The following HOXC11 variants were observed in gnomAD, a reference collection of about 807,000 sequenced individuals.
HOXC11 encodes the protein homeobox C11.
Under a neutral mutation model 23.6 loss-of-function variants are expected in HOXC11, and 17 were observed. That is an observed-to-expected ratio of 0.72 (90% CI 0.49 to 1.08). The LOEUF (loss-of-function observed/expected upper bound fraction) is 1.08, where lower values mean the gene tolerates loss of function less well. Ranked by LOEUF, HOXC11 falls within the 50% of genes least tolerant of loss-of-function variation. The pLI is 0.00. For synonymous variants in HOXC11, 196 were observed against 183.8 expected (o/e 1.07, Z -0.54); for missense variants, 413 against 412.1 (o/e 1.00, Z -0.02).
rs1316045318 is a variant in HOXC11, at chr12:53,973,551, T to G, written c.310T>G (p.Cys104Gly). 2 of 1,611,134 alleles carry G rather than the reference T, an allele frequency of 1.2e-6. No individual in the cohort carries two copies. The highest frequency in any genetic ancestry group is 1.7e-6 in the Non-Finnish European group (2 of 1,179,320). Reference sequence around the variant, plus strand: ...GGCCGACGAGCTTATGCACCGGGAGTGCCTGCCTCCTTCCACCGTCACCGA... The same window carrying G: ...GGCCGACGAGCTTATGCACCGGGAGGGCCTGCCTCCTTCCACCGTCACCGA... ...AAADELMHRE[C>G]LPPSTVTEIL... The change falls in exon 1 of 2, where the codon TGC becomes GGC. Residue 104 changes from cysteine (C) to glycine (G), a missense_variant. Cys to Gly is a radical substitution (Grantham distance 159). Coordinates refer to ENST00000546378, the MANE Select transcript of HOXC11 (RefSeq NM_014212.4). This position sits in a 1 kb window ranked among gnomAD's most constrained non-coding sequence, Gnocchi z 4.3.
Position 53,975,424 on chromosome 12 carries a change from G to C in HOXC11, c.*11G>C, listed in dbSNP as rs751005739. On this transcript the variant is annotated 3_prime_UTR_variant, in exon 2 of 2. Coordinates refer to ENST00000546378, the MANE Select transcript of HOXC11 (RefSeq NM_014212.4). ...AATCCTCTGCTGTAACCTGCAGACC[G>C]GGCCCTTTTGGGGGCGGGGGGAGGG... 2.2e-6 allele frequency: 3 copies of C among 1,380,932 alleles called. No individual in the cohort carries two copies. Among genetic ancestry groups the C allele is most frequent in the South Asian group, 1.2e-5 (1 of 85,236 alleles). 85.5% of individuals were successfully genotyped at this position (1,380,932 alleles called of 1,614,324 possible).
In HOXC11 at chr12:53,973,706, C is replaced by T; in HGVS notation, c.465C>T (p.Phe155=). The change falls in exon 1 of 2, where the codon TTC becomes TTT. Residue 155 remains phenylalanine (F), a synonymous_variant. Transcript: ENST00000546378. This position sits in a 1 kb window ranked among gnomAD's most constrained non-coding sequence, Gnocchi z 4.3. ...SVLPQAFDRF[F]DNAYCGGGDP... is the part of the protein sequence containing the mutation. ...TGCCTCAAGCCTTCGACCGTTTCTT[C>T]GACAACGCCTACTGCGGTGGCGGCG... The T allele has an allele frequency of 6.2e-7, 1 of 1,613,616 alleles. No homozygotes were observed. The highest frequency in any genetic ancestry group is 8.5e-7 in the Non-Finnish European group (1 of 1,180,038).
rs372600053 is a variant in HOXC11, at chr12:53,975,518, G to A, written c.*105G>A. Reference sequence around the variant, plus strand: ...TCTTCTTTCCGCCGGTGGAAAACTGGACTGTGGCCAGGGCTGGCCCCCACC... The same window carrying A: ...TCTTCTTTCCGCCGGTGGAAAACTGAACTGTGGCCAGGGCTGGCCCCCACC... On this transcript the variant is annotated 3_prime_UTR_variant, in exon 2 of 2. Transcript: ENST00000546378. 69 of 878,238 alleles carry A rather than the reference G, an allele frequency of 7.9e-5. No individual in the cohort carries two copies. Among genetic ancestry groups the A allele is most frequent in the Admixed American group, 3.2e-4 (16 of 49,642 alleles). 54.4% of individuals were successfully genotyped at this position (878,238 alleles called of 1,614,324 possible).
Position 53,973,967 on chromosome 12 carries a change from AGCGAGAGAGGGAGG to A in HOXC11, c.682+53_682+66del. 7.0e-7 allele frequency: 1 copy of A among 1,418,736 alleles called. No homozygotes were observed. Among genetic ancestry groups the A allele is most frequent in the Non-Finnish European group, 9.2e-7 (1 of 1,081,640 alleles). 87.9% of individuals were successfully genotyped at this position (1,418,736 alleles called of 1,614,324 possible). On this transcript the variant is annotated intron_variant, in intron 1 of 1. Transcript: ENST00000546378. The surrounding 1 kb of genome is among the most constrained non-coding windows in gnomAD (Gnocchi z 4.3). ...GGAACGGGCGGGCAGCGAGGGAGGGAGCGAGAGAGGGAGGGCGAGAGAAGGGGGGAGGCAAGGGG... is the reference window on the plus strand; with the variant it reads ...GGAACGGGCGGGCAGCGAGGGAGGGAGCGAGAGAAGGGGGGAGGCAAGGGG...
At position 53,973,393 on chromosome 12, in the gene HOXC11, T is replaced by A. The variant is rs1418437697; in HGVS notation, c.152T>A (p.Leu51Gln). 2 of 1,614,104 alleles carry A rather than the reference T, an allele frequency of 1.2e-6. No individual in the cohort carries two copies. Among genetic ancestry groups the A allele is most frequent in the African/African-American group, 2.7e-5 (2 of 74,930 alleles). ...MPEFSTVSSF[L>Q]PQAPSRQISY... is the part of the protein sequence containing the mutation. Reference sequence around the variant, plus strand: ...GAGTTCTCCACGGTCTCCTCCTTCCTGCCCCAGGCCCCCTCTCGTCAGATC... The same window carrying A: ...GAGTTCTCCACGGTCTCCTCCTTCCAGCCCCAGGCCCCCTCTCGTCAGATC... Residue 51 changes from leucine to glutamine, a missense_variant, in exon 1 of 2, where the codon CTG (leucine) becomes CAG (glutamine). Leu to Gln is a moderately radical substitution (Grantham distance 113, BLOSUM62 -2). Coordinates refer to ENST00000546378, the MANE Select transcript of HOXC11 (RefSeq NM_014212.4). This position sits in a 1 kb window ranked among gnomAD's most constrained non-coding sequence, Gnocchi z 4.3.
Position 53,975,868 on chromosome 12 carries a change from T to G in HOXC11, c.*455T>G. 7.8e-6 allele frequency: 1 copy of G among 128,990 alleles called. No individual in the cohort carries two copies. 8.0% of individuals were successfully genotyped at this position (128,990 alleles called of 1,614,324 possible). ...CGGAAACTTCTCGAGCTCCCCCCTC[T>G]ACCCCGCCCCACCTTGCAGCTAAAT... On this transcript the variant is annotated 3_prime_UTR_variant, in exon 2 of 2. Coordinates refer to ENST00000546378, the MANE Select transcript of HOXC11 (RefSeq NM_014212.4).
At position 53,973,756 on chromosome 12, in the gene HOXC11, C is replaced by T. The variant is rs1939193712; in HGVS notation, c.515C>T (p.Ser172Phe). 3 of 1,612,420 alleles carry T rather than the reference C, an allele frequency of 1.9e-6. No individual in the cohort carries two copies. In the East Asian group the frequency reaches 6.7e-5, roughly 36 times the overall value. The change falls in exon 1 of 2, where the codon TCC becomes TTC. Residue 172 changes from serine (S) to phenylalanine (F), a missense_variant. Ser to Phe is a radical substitution (Grantham distance 155). Coordinates refer to ENST00000546378, the MANE Select transcript of HOXC11 (RefSeq NM_014212.4). The surrounding 1 kb of genome is among the most constrained non-coding windows in gnomAD (Gnocchi z 4.3). The stretch of plus-strand genomic sequence containing the variant: ...GACCCGCCCGCCGAGCCCCCCTGCT[C>T]CGGCAAGGGCGAGGCCAAGGGGGAG... ...GGDPPAEPPC[S>F]GKGEAKGEPE... is the part of the protein sequence containing the mutation.
rs370804226 is a variant in HOXC11, at chr12:53,973,782, C to T, written c.541C>T (p.Pro181Ser). The T allele has an allele frequency of 7.5e-6, 12 of 1,603,744 alleles. No individual in the cohort carries two copies. Among genetic ancestry groups the T allele is most frequent in the Non-Finnish European group, 1.0e-5 (12 of 1,175,728 alleles). ...CGGCAAGGGCGAGGCCAAGGGGGAG[C>T]CCGAGGCACCCCCGGCCTCGGGACT... is the stretch of plus-strand genomic sequence containing the variant. The part of the protein sequence containing the change: ...CSGKGEAKGE[P>S]EAPPASGLAS... Residue 181 changes from proline to serine, a missense_variant, in exon 1 of 2, where the codon CCC becomes TCC. Pro to Ser is a moderately conservative substitution (Grantham distance 74, BLOSUM62 -1). Coordinates refer to ENST00000546378, the MANE Select transcript of HOXC11 (RefSeq NM_014212.4). The surrounding 1 kb of genome is among the most constrained non-coding windows in gnomAD (Gnocchi z 4.3).
At chr12:53,974,841 G>T (rs755786865) in intron 1 of HOXC11, 6 of 244,240 alleles carry the variant, frequency 2.5e-5, no homozygotes, top group Non-Finnish European at 4.7e-5. Flanking sequence ...GGCGGCCCAG[G>T]AAGGGCCCGA....
At chr12:53,974,609 C>T (rs1939218854) in intron 1 of HOXC11, among the ~76,000 whole-genome samples, 1 of 151,938 alleles carries the variant, frequency 6.6e-6, no homozygotes, top group South Asian at 2.1e-4. Context: ...CCCGGGTCCG[C>T]GGCCTTAGTG....
rs1434986211 is a variant in HOXC11, at chr12:53,977,403, T to C, written c.*1990T>C. On this transcript the variant is annotated 3_prime_UTR_variant, in exon 2 of 2. Coordinates refer to ENST00000546378, the MANE Select transcript of HOXC11 (RefSeq NM_014212.4). ...CATCATGACTATCAAATCTAGGTTC[T>C]GTCATTTTTGATGGTAGGAATCCCT... The C allele has an allele frequency of 6.6e-6, 1 of 152,244 alleles. No individual in the cohort carries two copies. Among genetic ancestry groups the C allele is most frequent in the Non-Finnish European group, 1.5e-5 (1 of 68,042 alleles). 9.4% of individuals were successfully genotyped at this position (152,244 alleles called of 1,614,324 possible).
intron 1 of HOXC11, 102 bp from the exon 2 acceptor site, chr12:53,975,079 G>T (rs1939231626): frequency 1.6e-6 from 1 of 622,076 alleles, no homozygotes; most frequent in East Asian, 2.8e-5. Flanking sequence ...CCCGCGGTGG[G>T]CTAGGAGAAG....
At position 53,975,444 on chromosome 12, in the gene HOXC11, G is replaced by A. The variant is rs1939238923; in HGVS notation, c.*31G>A. On this transcript the variant is annotated 3_prime_UTR_variant, in exon 2 of 2. Coordinates refer to ENST00000546378, the MANE Select transcript of HOXC11 (RefSeq NM_014212.4). ...AGACCGGGCCCTTTTGGGGGCGGGG[G>A]GAGGGGAAAATTATTTTATTTTATT... The A allele has an allele frequency of 4.1e-6, 3 of 739,360 alleles. No individual in the cohort carries two copies. The highest frequency in any genetic ancestry group is 4.8e-6 in the Non-Finnish European group (2 of 413,702). The allele number at this position is 739,360 out of a possible 1,614,324, so 45.8% of individuals were successfully genotyped here.
In HOXC11 at chr12:53,973,625, C is replaced by T. The variant is rs143575026; in HGVS notation, c.384C>T (p.Ser128=). 8 of 1,613,756 alleles carry T rather than the reference C, an allele frequency of 5.0e-6. No homozygotes were observed. Among genetic ancestry groups the T allele is most frequent in the South Asian group, 1.1e-5 (1 of 91,064 alleles). The change falls in exon 1 of 2, where the codon AGC becomes AGT. Residue 128 remains serine, a synonymous_variant. Transcript: ENST00000546378. This position sits in a 1 kb window ranked among gnomAD's most constrained non-coding sequence, Gnocchi z 4.3. ...EGSYGGHHHP[S]APHATPAGFY... The stretch of plus-strand genomic sequence containing the variant: ...CCTACGGCGGCCACCACCACCCCAG[C>T]GCCCCGCACGCAACCCCCGCCGGCT...
chr12:53,973,151 C>A lies in HOXC11; in HGVS notation c.-91C>A. On this transcript the variant is annotated 5_prime_UTR_variant, in exon 1 of 2. Coordinates refer to ENST00000546378, the MANE Select transcript of HOXC11 (RefSeq NM_014212.4). This position sits in a 1 kb window ranked among gnomAD's most constrained non-coding sequence, Gnocchi z 4.3. ...GTGCTCAGAGAGAGAGAGACTAAGACGGATAACGCGTCATCTCGCCTTCCC... is the reference window on the plus strand; with the variant it reads ...GTGCTCAGAGAGAGAGAGACTAAGAAGGATAACGCGTCATCTCGCCTTCCC... The A allele has an allele frequency of 1.1e-6, 1 of 937,304 alleles. No homozygotes were observed. The highest frequency in any genetic ancestry group is 1.7e-5 in the South Asian group (1 of 60,096). 58.1% of individuals were successfully genotyped at this position (937,304 alleles called of 1,614,324 possible).
Position 53,975,195 on chromosome 12 carries a change from C to T in HOXC11, c.697C>T (p.Arg233Cys). 1 of 1,607,580 alleles carries T rather than the reference C, an allele frequency of 6.2e-7. No individual in the cohort carries two copies. The highest frequency in any genetic ancestry group is 8.5e-7 in the Non-Finnish European group (1 of 1,177,798). The part of the protein sequence containing the change: ...KGAAPNAPRT[R>C]KKRCPYSKFQ... ...CCTCCCTCCAGACGCCCCCCGCACC[C>T]GCAAGAAGCGCTGCCCTTATTCGAA... is the stretch of plus-strand genomic sequence containing the variant. The change falls in exon 2 of 2, where the codon CGC (arginine) becomes TGC (cysteine). Residue 233 changes from arginine to cysteine, a missense_variant. Arg to Cys is a radical substitution (Grantham distance 180). Transcript: ENST00000546378.
chr12:53,974,948 G>A (rs1939228397), intron 1 of HOXC11: 2 of 540,790 alleles, frequency 3.7e-6, no homozygotes, highest in South Asian at 4.7e-5. Flanking sequence ...GCTCTCGCCT[G>A]AGAACTGGGG....
rs757940064 is a variant in HOXC11, at chr12:53,973,631, G to C, written c.390G>C (p.Pro130=). 8.1e-6 allele frequency: 13 copies of C among 1,613,178 alleles called. No individual in the cohort carries two copies. The South Asian group carries it at 1.4e-4, about 18-fold the overall frequency. Residue 130 remains proline, a synonymous_variant, in exon 1 of 2, where the codon CCG becomes CCC. Transcript: ENST00000546378. The surrounding 1 kb of genome is among the most constrained non-coding windows in gnomAD (Gnocchi z 4.3). Reference sequence around the variant, plus strand: ...GCGGCCACCACCACCCCAGCGCCCCGCACGCAACCCCCGCCGGCTTCTACT... The same window carrying C: ...GCGGCCACCACCACCCCAGCGCCCCCCACGCAACCCCCGCCGGCTTCTACT... The part of the protein sequence containing the change: ...SYGGHHHPSA[P]HATPAGFYSS...
At chr12:53,974,015 C>G (rs899379914) in intron 1 of HOXC11, 92 bp downstream of exon 1, 532 of 1,139,114 alleles carry the variant, frequency 4.7e-4, no homozygotes, top group Non-Finnish European at 5.9e-4. Context: ...GGAGCGGGGA[C>G]GGCCTCGTGT....
Sources: gnomAD v4.1 joint callset for allele counts (sites outside exome capture counted in the v4.1 genomes callset) on GRCh38, gnomAD v4.1.1 for gene constraint, Gnocchi (gnomAD v3.1) non-coding constraint, MANE v1.5 for transcripts, NCBI Gene and HGNC (gene_info 2026-07-23, HGNC 2026-07-21) for gene names.